The following ADARB2 variants were observed in gnomAD, a reference collection of about 807,000 sequenced individuals.
The protein encoded by ADARB2 is inactive double-stranded RNA-specific editase B2.
ADARB2 carries 25 observed loss-of-function variants against 62.2 expected under a neutral mutation model. The ratio of observed to expected loss-of-function variants is 0.40; its 90% CI spans 0.29 to 0.56. ADARB2 has a LOEUF of 0.56. Among genes scored for constraint, ADARB2 ranks in the 20% least tolerant of loss-of-function variants. The pLI is 0.43. For synonymous variants in ADARB2, 572 were observed against 500.8 expected (o/e 1.14, Z -1.90); for missense variants, 1,071 against 1,077.4 (o/e 0.99, Z 0.08).
chr10:1,410,857 A>G (rs1564282671), intron 1 of ADARB2, among the ~76,000 whole-genome samples: 1 of 152,096 alleles, frequency 6.6e-6, no homozygotes, highest in Non-Finnish European at 1.5e-5. Context: ...CCGCCTGATC[A>G]CTTGGTGAGC....
At chr10:1,702,214 A>G (rs772154940) in intron 1 of ADARB2, among the ~76,000 whole-genome samples, 5 of 152,246 alleles carry the variant, frequency 3.3e-5, no homozygotes, top group Non-Finnish European at 5.9e-5. Context: ...AGGCAAATAT[A>G]CAGACTTAAG....
chr10:1,661,302 T>C (rs1209753965), intron 1 of ADARB2, among the ~76,000 whole-genome samples: 1 of 152,216 alleles, frequency 6.6e-6, no homozygotes, highest in African/African-American at 2.4e-5. Flanking sequence ...CCCAGTGGTT[T>C]TGTGTACCTT....
At chr10:1,624,980 CAT>C (rs200436322) in intron 1 of ADARB2, among the ~76,000 whole-genome samples, 3 of 151,880 alleles carry the variant, frequency 2.0e-5, no homozygotes, top group Non-Finnish European at 4.4e-5. Flanking sequence ...ATAAATTAAA[CAT>C]ATATATATAT....
At chr10:1,623,166 G>A (rs1833727248) in intron 1 of ADARB2, among the ~76,000 whole-genome samples, 1 of 152,148 alleles carries the variant, frequency 6.6e-6, no homozygotes. Flanking sequence ...CCCAGGGCTG[G>A]GGGTGGGATT....
At chr10:1,571,239 G>A (rs1221963597) in intron 1 of ADARB2, among the ~76,000 whole-genome samples, 2 of 151,658 alleles carry the variant, frequency 1.3e-5, no homozygotes, top group Non-Finnish European at 2.9e-5. Flanking sequence ...GCAAAACTGG[G>A]ATCATACTGT....
At position 1,680,253 on chromosome 10, in the gene ADARB2, A is replaced by T. The variant is rs187101668; in HGVS notation, c.100+56798T>A. Among the ~76,000 whole-genome samples, 124 of 151,862 alleles carry T rather than the reference A, an allele frequency of 8.2e-4. 1 individual carries two copies. Among genetic ancestry groups the T allele is most frequent in the African/African-American group, 2.6e-3 (109 of 41,376 alleles). On this transcript the variant is annotated intron_variant, in intron 1 of 9. Coordinates refer to ENST00000381312, the MANE Select transcript of ADARB2 (RefSeq NM_018702.4). ...CCTGTGTAATCCACCACTCATACAAACTGCTTGGTGTTCTGGCCAATTCTG... is the reference window on the plus strand; with the variant it reads ...CCTGTGTAATCCACCACTCATACAATCTGCTTGGTGTTCTGGCCAATTCTG...
intron 1 of ADARB2, among the ~76,000 whole-genome samples, chr10:1,495,497 T>A (rs1831675447): frequency 6.6e-6 from 1 of 152,214 alleles, no homozygotes; most frequent in African/African-American, 2.4e-5. Context: ...TAAACATTTA[T>A]ACCCAGGTTG....
intron 6 of ADARB2, among the ~76,000 whole-genome samples, chr10:1,229,358 C>T (rs1416839624): frequency 2.6e-5 from 4 of 152,148 alleles, no homozygotes; most frequent in Non-Finnish European, 5.9e-5. Flanking sequence ...AATTCCTGGT[C>T]CTGCTGAGCT....
chr10:1,693,943 A>G (rs931851646), intron 1 of ADARB2, among the ~76,000 whole-genome samples: 7 of 152,234 alleles, frequency 4.6e-5, no homozygotes, highest in Admixed American at 2.6e-4. Flanking sequence ...CAAAGTGTGT[A>G]CCACGGAACA....
intron 1 of ADARB2, among the ~76,000 whole-genome samples, chr10:1,400,251 C>T (rs559228199): frequency 2.2e-4 from 34 of 152,322 alleles, no homozygotes; most frequent in African/African-American, 7.5e-4. Context: ...AGGCCAATTC[C>T]ACCGCAGGGC....
intron 1 of ADARB2, among the ~76,000 whole-genome samples, chr10:1,524,060 AGATAGATAGATAGATAGAT>A (rs1564316675): frequency 1.5e-5 from 1 of 66,430 alleles, no homozygotes; most frequent in Non-Finnish European, 3.0e-5. Context: ...GGGGATATGA[AGATAGATAGATAGATAGAT>A]AGATAGATAG....
chr10:1,504,959 TGACACACACA>T (rs767153283), intron 1 of ADARB2, among the ~76,000 whole-genome samples: 144 of 151,370 alleles, frequency 9.5e-4, no homozygotes, highest in Non-Finnish European at 1.6e-3. Context: ...GAGACACACA[TGACACACACA>T]GACACACATA....
intron 1 of ADARB2, among the ~76,000 whole-genome samples, chr10:1,470,930 G>T (rs1444811979): frequency 6.6e-6 from 1 of 152,158 alleles, no homozygotes; most frequent in Non-Finnish European, 1.5e-5. Context: ...ATGGTGGCAG[G>T]TGCCTGTAGT....
intron 1 of ADARB2, among the ~76,000 whole-genome samples, chr10:1,666,680 A>T (rs149857500): frequency 7.9e-4 from 120 of 151,812 alleles, no homozygotes; most frequent in African/African-American, 2.8e-3. Flanking sequence ...TTTTAGCTTC[A>T]TTTTTTTTGA....
chr10:1,458,087 T>C (rs558543341), intron 1 of ADARB2, among the ~76,000 whole-genome samples: 98 of 152,164 alleles, frequency 6.4e-4, no homozygotes, highest in Non-Finnish European at 2.1e-4. Flanking sequence ...CTCATGTGAC[T>C]TTTGGTTCTT....
chr10:1,482,783 C>T (rs1049136667), intron 1 of ADARB2, among the ~76,000 whole-genome samples: 5 of 151,834 alleles, frequency 3.3e-5, no homozygotes, highest in Non-Finnish European at 7.4e-5. Flanking sequence ...GTCAGGACTG[C>T]TTATGTGGAC....
chr10:1,701,873 G>T (rs1371051160), intron 1 of ADARB2, among the ~76,000 whole-genome samples: 3 of 147,872 alleles, frequency 2.0e-5, no homozygotes, highest in Non-Finnish European at 4.5e-5. Context: ...CCACTCCACC[G>T]GGAGACCAGG....
chr10:1,589,580 G>A (rs754263777), intron 1 of ADARB2, among the ~76,000 whole-genome samples: 2 of 152,228 alleles, frequency 1.3e-5, no homozygotes, highest in Non-Finnish European at 2.9e-5. Flanking sequence ...CGCCTCTTTG[G>A]CCTATGCTTG....
chr10:1,511,819 G>A (rs1294177516), intron 1 of ADARB2, among the ~76,000 whole-genome samples: 1 of 151,524 alleles, frequency 6.6e-6, no homozygotes, highest in Non-Finnish European at 1.5e-5. Flanking sequence ...CGTCAATGCT[G>A]TCTACACTGG....
Sources: gnomAD v4.1 joint callset for allele counts (sites outside exome capture counted in the v4.1 genomes callset) on GRCh38, gnomAD v4.1.1 for gene constraint, MANE v1.5 for transcripts, NCBI Gene and HGNC (gene_info 2026-07-23, HGNC 2026-07-21) for gene names.